Variants in PDE4D observed in about 807,000 individuals in gnomAD.
PDE4D encodes the protein phosphodiesterase 4D.
A neutral mutation model predicts 87.4 loss-of-function variants in PDE4D; 24 were observed. The observed-to-expected ratio is 0.27, with a 90% CI of 0.20 to 0.39. The LOEUF is 0.39. Ranked by LOEUF, PDE4D falls within the 10% of genes least tolerant of loss-of-function variation. The pLI is 1.00. For missense variants in PDE4D, 714 were observed against 1,041.0 expected (o/e 0.69, Z 4.32); for synonymous variants, 384 against 383.2 (o/e 1.00, Z -0.02).
chr5:60,131,728 G>T (rs1779599555), intron 2 of PDE4D, among the ~76,000 whole-genome samples: 1 of 152,192 alleles, frequency 6.6e-6, no homozygotes, highest in South Asian at 2.1e-4. Context: ...AGGCAGAATA[G>T]TAAACTAAAT....
At chr5:59,904,184 A>G (rs534280413) in intron 3 of PDE4D, among the ~76,000 whole-genome samples, 1 of 152,306 alleles carries the variant, frequency 6.6e-6, no homozygotes. Context: ...ACTATGCTTT[A>G]CCATGTGCAT....
At chr5:60,477,864 C>A (rs1748448415) in intron 1 of PDE4D, among the ~76,000 whole-genome samples, 1 of 152,204 alleles carries the variant, frequency 6.6e-6, no homozygotes, top group Admixed American at 6.5e-5. Flanking sequence ...GGAAGGTCAT[C>A]TTGGCTTGCC....
rs543535334 is a variant in PDE4D at position 59,637,260 on chromosome 5, GA to G, written c.455+255907del. On this transcript the variant is annotated intron_variant, in intron 1 of 14. Coordinates refer to ENST00000340635, the MANE Select transcript of PDE4D (RefSeq NM_001104631.2). ...TCAGGAAAAAATAGATGCTGGAAAGGATGTGGAGAAATAGGAATGCTTTTAC... is the reference window on the plus strand; with the variant it reads ...TCAGGAAAAAATAGATGCTGGAAAGGTGTGGAGAAATAGGAATGCTTTTAC... Among the ~76,000 whole-genome samples the G allele has an allele frequency of 6.2e-4, 95 of 152,316 alleles. 1 individual carries two copies. The South Asian group carries it at 0.018, about 29-fold the overall frequency.
intron 1 of PDE4D, among the ~76,000 whole-genome samples, chr5:60,472,471 C>G (rs77368554): frequency 0.027 from 4,173 of 152,218 alleles, 88 homozygotes; most frequent in Middle Eastern, 0.089. Flanking sequence ...AATGAAAAAT[C>G]TGAAACATAA....
At chr5:59,777,658 C>T (rs1307525363) in intron 1 of PDE4D, among the ~76,000 whole-genome samples, 2 of 152,138 alleles carry the variant, frequency 1.3e-5, no homozygotes, top group Admixed American at 1.3e-4. Flanking sequence ...GTATTGATGG[C>T]TAATGAATAC....
At chr5:60,138,896 G>A (rs150144538) in intron 2 of PDE4D, among the ~76,000 whole-genome samples, 31 of 152,044 alleles carry the variant, frequency 2.0e-4, no homozygotes, top group Non-Finnish European at 4.1e-4. Flanking sequence ...ATAAAATTGC[G>A]TTCAGGATAG....
At chr5:59,011,137 T>C (rs1752717234) in intron 6 of PDE4D, among the ~76,000 whole-genome samples, 2 of 152,074 alleles carry the variant, frequency 1.3e-5, no homozygotes, top group Admixed American at 1.3e-4. Context: ...AAACCCCATA[T>C]GTACGTCACC....
intron 1 of PDE4D, among the ~76,000 whole-genome samples, chr5:60,204,197 T>G (rs141332342): frequency 4.9e-4 from 74 of 152,302 alleles, no homozygotes; most frequent in African/African-American, 1.1e-3. Flanking sequence ...TATCTATCTA[T>G]CTAGCTAGCT....
intron 1 of PDE4D, among the ~76,000 whole-genome samples, chr5:60,380,591 C>T (rs1021476168): frequency 2.6e-5 from 4 of 152,196 alleles, no homozygotes; most frequent in African/African-American, 9.7e-5. Flanking sequence ...TCATAATAGA[C>T]AAACGGCAGC....
chr5:60,149,769 G>A (rs942178978), intron 2 of PDE4D, among the ~76,000 whole-genome samples: 4 of 149,408 alleles, frequency 2.7e-5, no homozygotes, highest in African/African-American at 9.8e-5. Flanking sequence ...TCCTATATGT[G>A]TGTACATATA....
chr5:59,688,313 T>C (rs1278537974), intron 1 of PDE4D, among the ~76,000 whole-genome samples: 3 of 152,198 alleles, frequency 2.0e-5, no homozygotes, highest in Non-Finnish European at 2.9e-5. Context: ...GACCATATAG[T>C]TGGAAGTAAA....
chr5:60,189,184 A>G (rs1286577499), intron 1 of PDE4D, among the ~76,000 whole-genome samples: 3 of 152,248 alleles, frequency 2.0e-5, no homozygotes, highest in African/African-American at 7.2e-5. Flanking sequence ...CAGGGAGAAC[A>G]CTTTAGAAAT....
intron 5 of PDE4D, among the ~76,000 whole-genome samples, chr5:59,123,141 C>T (rs959722858): frequency 1.3e-5 from 2 of 151,904 alleles, no homozygotes; most frequent in African/African-American, 4.8e-5. Flanking sequence ...CATGGTTGAA[C>T]TGATCATATT....
At position 58,974,815 on chromosome 5, in the gene PDE4D, G is replaced by A. The variant is rs759617045; in HGVS notation, c.2279C>T (p.Thr760Ile). 5.6e-6 allele frequency: 9 copies of A among 1,613,512 alleles called. No individual in the cohort carries two copies. The highest frequency in any genetic ancestry group is 6.8e-6 in the Non-Finnish European group (8 of 1,179,662). The change falls in exon 15 of 15, where the codon ACT becomes ATT. Residue 760 changes from threonine (T) to isoleucine (I), a missense_variant. Physicochemically the swap from Thr to Ile is moderately conservative, Grantham distance 89. This residue lies in a region of PDE4D where 90 missense variants were observed against 95.3 expected (regional missense o/e 0.94). Coordinates refer to ENST00000340635, the MANE Select transcript of PDE4D (RefSeq NM_001104631.2). Reference sequence around the variant, plus strand: ...AAGAGTCTTGGAGTCACTGCAGCTAGTGTCTTCTTCCACTTGACTGCCACT... The same window carrying A: ...AAGAGTCTTGGAGTCACTGCAGCTAATGTCTTCTTCCACTTGACTGCCACT... Reference protein sequence around the residue: ...KDSGSQVEEDTSCSDSKTLCT... With the variant: ...KDSGSQVEEDISCSDSKTLCT...
chr5:59,376,126 C>G (rs923381956), intron 1 of PDE4D, among the ~76,000 whole-genome samples: 5 of 152,116 alleles, frequency 3.3e-5, no homozygotes, highest in Non-Finnish European at 7.3e-5. Context: ...AAAATGGGCA[C>G]AAGACAAGGA....
chr5:59,407,575 T>C (rs1205895995), intron 1 of PDE4D, among the ~76,000 whole-genome samples: 1 of 151,928 alleles, frequency 6.6e-6, no homozygotes, highest in Non-Finnish European at 1.5e-5. Context: ...GGCAGGGAGA[T>C]GAGGAAAAGT....
rs879439794 is a variant in PDE4D, at chr5:59,957,737, T to G, written c.272+30751A>C. Reference sequence around the variant, plus strand: ...AATGCTATAACGTATTTTCTCTATCTTTTTTTCTAGTGAGATTTTGCTCAA... The same window carrying G: ...AATGCTATAACGTATTTTCTCTATCGTTTTTTCTAGTGAGATTTTGCTCAA... On this transcript the variant is annotated intron_variant, in intron 3 of 16. Coordinates refer to the PDE4D transcript ENST00000502484. Among the ~76,000 whole-genome samples, 1,173 of 152,170 alleles carry G rather than the reference T, an allele frequency of 7.7e-3. 48 individuals carry two copies. Among genetic ancestry groups the G allele is most frequent in the Admixed American group, 0.07 (1,069 of 15,258 alleles).
At chr5:59,958,444 C>T (rs1383051559) in intron 3 of PDE4D, among the ~76,000 whole-genome samples, 1 of 152,136 alleles carries the variant, frequency 6.6e-6, no homozygotes, top group Non-Finnish European at 1.5e-5. Context: ...TCCCAAATGA[C>T]TCTCTTACTC....
chr5:59,094,216 CAAAAAAAAA>C (rs1164383460), intron 5 of PDE4D, among the ~76,000 whole-genome samples: 10 of 14,560 alleles, frequency 6.9e-4, no homozygotes, highest in South Asian at 4.9e-3. Context: ...GACTCCGTCT[CAAAAAAAAA>C]AAAAAAAAAA....
Sources: gnomAD v4.1 joint callset for allele counts (sites outside exome capture counted in the v4.1 genomes callset) on GRCh38, gnomAD v4.1.1 for gene constraint, gnomAD v4.1.1 regional missense constraint, MANE v1.5 for transcripts, NCBI Gene and HGNC (gene_info 2026-07-23, HGNC 2026-07-21) for gene names.